RALGAPA1: variants seen among roughly 807,000 people sequenced by gnomAD.
The protein encoded by RALGAPA1 is Ral GTPase activating protein catalytic subunit alpha 1, also known as ral GTPase-activating protein subunit alpha-1.
In RALGAPA1, 52 loss-of-function variants were observed where a neutral mutation model predicts 269.6. That is an observed-to-expected ratio of 0.19 (90% CI 0.15 to 0.24). The LOEUF (loss-of-function observed/expected upper bound fraction) is 0.24, where lower values mean the gene tolerates loss of function less well. Among genes scored for constraint, RALGAPA1 ranks in the 10% least tolerant of loss-of-function variants. The pLI is 1.00. For missense variants in RALGAPA1, 1,917 were observed against 3,013.9 expected (o/e 0.64, Z 8.52); for synonymous variants, 817 against 1,008.3 (o/e 0.81, Z 3.60).
At chr14:35,602,601 T>C (rs2059359042) in intron 36 of RALGAPA1, among the ~76,000 whole-genome samples, 1 of 152,332 alleles carries the variant, frequency 6.6e-6, no homozygotes, top group South Asian at 2.1e-4. Context: ...TTATTGGTCA[T>C]ATATCTTTTC....
chr14:35,757,940 A>C (rs75201916), intron 6 of RALGAPA1, among the ~76,000 whole-genome samples: 20,073 of 152,144 alleles, frequency 0.13, 1,374 homozygotes, highest in African/African-American at 0.14. Context: ...GTATTTTAAA[A>C]ATTATTCTTT....
chr14:35,572,948 AG>A, intron 37 of RALGAPA1: 1 of 287,192 alleles, frequency 3.5e-6, no homozygotes, highest in South Asian at 1.2e-4. Context: ...AGATTTAAAA[AG>A]ATTCACATAT....
At chr14:35,616,843 T>A (rs894366034) in intron 35 of RALGAPA1, among the ~76,000 whole-genome samples, 1 of 152,118 alleles carries the variant, frequency 6.6e-6, no homozygotes, top group African/African-American at 2.4e-5. Flanking sequence ...AGGAGCTAGG[T>A]AGTTCTGAGG....
At chr14:35,616,657 T>C (rs1433168657) in intron 35 of RALGAPA1, among the ~76,000 whole-genome samples, 2 of 152,216 alleles carry the variant, frequency 1.3e-5, no homozygotes, top group Non-Finnish European at 2.9e-5. Context: ...AACTCTGTAC[T>C]TTCCTATCAG....
At chr14:35,800,824 G>GT in intron 1 of RALGAPA1, among the ~76,000 whole-genome samples, 1 of 152,204 alleles carries the variant, frequency 6.6e-6, no homozygotes, top group East Asian at 1.9e-4. Context: ...GGCCAACAAG[G>GT]TAACAACCTG....
At chr14:35,614,126 G>C (rs1049488422) in intron 35 of RALGAPA1, among the ~76,000 whole-genome samples, 1 of 152,044 alleles carries the variant, frequency 6.6e-6, no homozygotes, top group Non-Finnish European at 1.5e-5. Context: ...ATACACCATC[G>C]GTGGGAAGGT....
intron 37 of RALGAPA1, among the ~76,000 whole-genome samples, chr14:35,582,181 A>G (rs781156538): frequency 2.0e-5 from 3 of 152,214 alleles, no homozygotes; most frequent in Non-Finnish European, 4.4e-5. Context: ...GCAAATTCAT[A>G]GAGGAAGTGG....
chr14:35,763,641 G>A (rs1423335217), intron 4 of RALGAPA1, among the ~76,000 whole-genome samples: 1 of 151,922 alleles, frequency 6.6e-6, no homozygotes, highest in Non-Finnish European at 1.5e-5. Flanking sequence ...TCCACCGTAT[G>A]AACATACCAA....
intron 26 of RALGAPA1, among the ~76,000 whole-genome samples, 153 bp downstream of exon 26, chr14:35,671,236 G>T: frequency 6.6e-6 from 1 of 151,828 alleles, no homozygotes; most frequent in African/African-American, 2.4e-5. Flanking sequence ...TTATATTTCA[G>T]ATTTCTTGCT....
chr14:35,757,039 C>A, intron 6 of RALGAPA1, 131 bp from the exon 7 acceptor site: 1 of 559,346 alleles, frequency 1.8e-6, no homozygotes, highest in Non-Finnish European at 2.6e-6. Context: ...ATGACTGATC[C>A]TTGAAATAAA....
At chr14:35,752,257 A>C in intron 7 of RALGAPA1, 95 bp from the exon 8 acceptor site, 1 of 1,305,128 alleles carries the variant, frequency 7.7e-7, no homozygotes, top group Non-Finnish European at 1.0e-6. Flanking sequence ...AAAGGTTGCA[A>C]TACACTGAAC....
chr14:35,726,353 T>G (rs1230466581), intron 13 of RALGAPA1, among the ~76,000 whole-genome samples: 1 of 152,244 alleles, frequency 6.6e-6, no homozygotes, highest in East Asian at 1.9e-4. Flanking sequence ...AATAAAAAGC[T>G]ATTTGAAATC....
Position 35,793,382 on chromosome 14 carries a change from C to G in RALGAPA1, c.106+15348G>C, listed in dbSNP as rs992035546. The stretch of plus-strand genomic sequence containing the variant: ...CCTCCCGTGTAGCTGGGATTACAGG[C>G]ATGCACCACCATGCCCGACTAATTT... On this transcript the variant is annotated intron_variant, in intron 1 of 41. Transcript: ENST00000680220. Among the ~76,000 whole-genome samples the G allele has an allele frequency of 1.2e-4, 18 of 152,134 alleles. No homozygotes were observed. In the South Asian group the frequency reaches 2.5e-3, roughly 21 times the overall value.
At chr14:35,691,843 G>A (rs1038243379) in intron 17 of RALGAPA1, among the ~76,000 whole-genome samples, 1 of 152,090 alleles carries the variant, frequency 6.6e-6, no homozygotes. Context: ...ATCTCCTGAA[G>A]CTGAAACAAT....
rs73252334 is a variant in RALGAPA1, at chr14:35,756,998, T to C, written c.548-90A>G. ...AAATAAACTTTAACTGCAAAATGAG[T>C]ATGCAATGAAAATTGCTTGAAAACT... On this transcript the variant is annotated intron_variant, in intron 6 of 41. Coordinates refer to ENST00000680220, the MANE Select transcript of RALGAPA1 (RefSeq NM_001346249.2). 4,489 of 1,136,094 alleles carry C rather than the reference T, an allele frequency of 4.0e-3. 134 individuals are homozygous for C. In the African/African-American group the frequency reaches 0.063, roughly 16 times the overall value. 70.4% of individuals were successfully genotyped at this position (1,136,094 alleles called of 1,614,324 possible). A position where few individuals can be genotyped will look rare whatever the true frequency, so the allele number is the denominator to read the frequency against.
chr14:35,559,670 ATACTGT>A (rs2055988222), intron 39 of RALGAPA1, among the ~76,000 whole-genome samples: 1 of 152,208 alleles, frequency 6.6e-6, no homozygotes, highest in Non-Finnish European at 1.5e-5. Context: ...TATGTGGACC[ATACTGT>A]TACACTAAAT....
At chr14:35,785,675 A>C (rs543344685) in intron 1 of RALGAPA1, among the ~76,000 whole-genome samples, 51 of 152,246 alleles carry the variant, frequency 3.3e-4, no homozygotes, top group Non-Finnish European at 6.2e-4. Context: ...CTAGAAAATA[A>C]GGTGAAAAGC....
intron 28 of RALGAPA1, 140 bp downstream of exon 28, chr14:35,658,998 A>C: frequency 2.2e-6 from 1 of 457,326 alleles, no homozygotes; most frequent in Non-Finnish European, 3.8e-6. Context: ...AAGAATACTT[A>C]ATTATTCAAG....
At chr14:35,762,403 G>A (rs1449936819) in intron 5 of RALGAPA1, among the ~76,000 whole-genome samples, 3 of 151,990 alleles carry the variant, frequency 2.0e-5, no homozygotes, top group Non-Finnish European at 2.9e-5. Context: ...GTACAGGCAC[G>A]TGCCACCACG....
Sources: gnomAD v4.1 joint callset for allele counts (sites outside exome capture counted in the v4.1 genomes callset) on GRCh38, gnomAD v4.1.1 for gene constraint, MANE v1.5 for transcripts, NCBI Gene and HGNC (gene_info 2026-07-23, HGNC 2026-07-21) for gene names.